Variants in SLIT2 observed in about 807,000 individuals in gnomAD.
SLIT2 encodes the protein slit homolog 2 protein.
Under a neutral mutation model 185.7 loss-of-function variants are expected in SLIT2, and 41 were observed. The ratio of observed to expected loss-of-function variants is 0.22; its 90% CI spans 0.17 to 0.29. SLIT2 has a LOEUF of 0.29. SLIT2 is among the 10% of genes least tolerant of loss of function. SLIT2 has a pLI of 1.00. For synonymous variants in SLIT2, 693 were observed against 680.2 expected, an observed-to-expected ratio of 1.02 and a Z score of -0.29; for missense variants, 1,571 against 1,909.0, an observed-to-expected ratio of 0.82 and a Z score of 3.30.
chr4:20,609,568 G>C (rs2148978697), intron 33 of SLIT2, among the ~76,000 whole-genome samples: 1 of 152,232 alleles, frequency 6.6e-6, no homozygotes, highest in Non-Finnish European at 1.5e-5. Context: ...TTTTTTTTAA[G>C]AGCAGAAGCC....
At chr4:20,610,935 G>A (rs186653003) in intron 34 of SLIT2, among the ~76,000 whole-genome samples, 70 of 152,250 alleles carry the variant, frequency 4.6e-4, no homozygotes, top group African/African-American at 1.5e-3. Flanking sequence ...GGAGCCCATC[G>A]GAGAGGACCC....
chr4:20,550,004 A>T (rs939723903), intron 24 of SLIT2, among the ~76,000 whole-genome samples: 1 of 152,116 alleles, frequency 6.6e-6, no homozygotes, highest in Non-Finnish European at 1.5e-5. Flanking sequence ...ACTGTCAAGT[A>T]TATTGGAAGG....
intron 12 of SLIT2, among the ~76,000 whole-genome samples, chr4:20,522,599 T>G (rs1720931163): frequency 6.6e-6 from 1 of 151,962 alleles, no homozygotes; most frequent in South Asian, 2.1e-4. Context: ...AAACCTAAGC[T>G]CACACACAGT....
At chr4:20,410,824 G>C (rs1318609304) in intron 4 of SLIT2, among the ~76,000 whole-genome samples, 1 of 152,028 alleles carries the variant, frequency 6.6e-6, no homozygotes, top group African/African-American at 2.4e-5. Context: ...CTATAGCCTT[G>C]TATAATTTGA....
chr4:20,397,857 C>A (rs1577575987), intron 4 of SLIT2, among the ~76,000 whole-genome samples: 1 of 151,836 alleles, frequency 6.6e-6, no homozygotes, highest in Middle Eastern at 3.4e-3. Context: ...CACATTATCC[C>A]AGATGTGATC....
chr4:20,422,956 G>T (rs77141419), intron 4 of SLIT2, among the ~76,000 whole-genome samples: 2,017 of 151,982 alleles, frequency 0.013, 50 homozygotes, highest in African/African-American at 0.047. Flanking sequence ...GGTGGGAGGA[G>T]GTGGTTAGAA....
rs952227684 is a variant in SLIT2 at position 20,395,729 on chromosome 4, C to T, written c.396-72023C>T. ...ATTTTTTAAAATTTAAACCACTCAA[C>T]TGATCTCATATAGACCAATCTTTAG... On this transcript the variant is annotated intron_variant, in intron 4 of 36. Transcript: ENST00000504154. Among the ~76,000 whole-genome samples, 8 of 152,048 alleles carry T rather than the reference C, an allele frequency of 5.3e-5. No homozygotes were observed. In the South Asian group the frequency reaches 6.2e-4, roughly 12 times the overall value.
chr4:20,390,756 CTTA>C (rs1560381207), intron 4 of SLIT2, among the ~76,000 whole-genome samples: 1 of 149,686 alleles, frequency 6.7e-6, no homozygotes, highest in Non-Finnish European at 1.5e-5. Flanking sequence ...AGAAAAAGAT[CTTA>C]TTTTTTTTTT....
chr4:20,413,287 C>A (rs916775981), intron 4 of SLIT2, among the ~76,000 whole-genome samples: 1 of 151,584 alleles, frequency 6.6e-6, no homozygotes, highest in African/African-American at 2.4e-5. Context: ...CCCAAATTTT[C>A]CTTTGTTATT....
rs1393431283 is a variant in SLIT2, at chr4:20,568,634, C to T, written c.2949-231C>T. The stretch of plus-strand genomic sequence containing the variant: ...ACTTTTAAGACCATGGAACCATTTG[C>T]CTTCTTGCAACCGGCATAAATTTTA... On this transcript the variant is annotated intron_variant, in intron 28 of 36. Transcript: ENST00000504154. 3.3e-5 allele frequency among the ~76,000 whole-genome samples: 5 copies of T among 151,854 alleles called. No homozygotes were observed. In the East Asian group the frequency reaches 9.7e-4, roughly 29 times the overall value.
intron 4 of SLIT2, among the ~76,000 whole-genome samples, chr4:20,278,587 A>T (rs1014413976): frequency 6.6e-6 from 1 of 152,074 alleles, no homozygotes. Context: ...TATCTTCTTT[A>T]CGTAAGGACC....
chr4:20,586,541 C>G (rs1167965551), intron 29 of SLIT2, among the ~76,000 whole-genome samples: 1 of 152,152 alleles, frequency 6.6e-6, no homozygotes, highest in Non-Finnish European at 1.5e-5. Context: ...ATAAAATGCA[C>G]ACATAACAGT....
At chr4:20,592,357 A>G (rs1020098458) in intron 30 of SLIT2, among the ~76,000 whole-genome samples, 3 of 152,170 alleles carry the variant, frequency 2.0e-5, no homozygotes, top group Non-Finnish European at 2.9e-5. Context: ...GCTTCTAAAC[A>G]GTGTATTTTA....
At chr4:20,264,529 G>A (rs1423325083) in intron 3 of SLIT2, among the ~76,000 whole-genome samples, 1 of 151,830 alleles carries the variant, frequency 6.6e-6, no homozygotes, top group Non-Finnish European at 1.5e-5. Context: ...TTGAATTGAG[G>A]TGAAAGTCGC....
At chr4:20,395,537 A>G (rs562795896) in intron 4 of SLIT2, among the ~76,000 whole-genome samples, 1 of 152,142 alleles carries the variant, frequency 6.6e-6, no homozygotes, top group East Asian at 1.9e-4. Context: ...CAGCAACAGT[A>G]TGGAGGAGAG....
intron 34 of SLIT2, among the ~76,000 whole-genome samples, chr4:20,612,978 G>A (rs573801919): frequency 4.6e-5 from 7 of 151,700 alleles, no homozygotes; most frequent in African/African-American, 1.7e-4. Context: ...AGTGAGAATG[G>A]CTATTATTAA....
At position 20,472,598 on chromosome 4, in the gene SLIT2, C is replaced by CGATATATATAGATATATCGATATA. The variant is rs1243899697; in HGVS notation, c.467+4775_467+4776insGATATATATAGATATATCGATATA. On this transcript the variant is annotated intron_variant, in intron 5 of 36. Coordinates refer to ENST00000504154, the MANE Select transcript of SLIT2 (RefSeq NM_004787.4). ...GATATATCTATATATAGATATATAT[C>CGATATATATAGATATATCGATATA]TATAGATATATCTATATATATCGAT... is the stretch of plus-strand genomic sequence containing the variant. Among the ~76,000 whole-genome samples the CGATATATATAGATATATCGATATA allele has an allele frequency of 1.2e-3, 9 of 7,780 alleles. 3 individuals carry two copies. The highest frequency in any genetic ancestry group is 4.2e-3 in the African/African-American group (7 of 1,670). 5.1% of individuals were successfully genotyped at this position (7,780 alleles called of 152,430 possible).
At chr4:20,359,049 A>T (rs1245816527) in intron 4 of SLIT2, among the ~76,000 whole-genome samples, 1 of 152,176 alleles carries the variant, frequency 6.6e-6, no homozygotes, top group Non-Finnish European at 1.5e-5. Context: ...TGCCAAGCCC[A>T]CAGTAAGAGT....
intron 4 of SLIT2, among the ~76,000 whole-genome samples, chr4:20,367,228 T>C (rs1723189531): frequency 6.6e-6 from 1 of 152,210 alleles, no homozygotes; most frequent in South Asian, 2.1e-4. Context: ...TAGTTATTGC[T>C]TGCTTACTCT....
Sources: allele counts gnomAD v4.1 joint callset (sites outside exome capture counted in the v4.1 genomes callset), GRCh38; gene constraint gnomAD v4.1.1; transcripts MANE v1.5; gene names NCBI Gene and HGNC (gene_info 2026-07-23, HGNC 2026-07-21).